The following ADAM12 variants were observed in gnomAD, a reference collection of about 807,000 sequenced individuals.
ADAM12 encodes the protein disintegrin and metalloproteinase domain-containing protein 12.
In ADAM12, 70 loss-of-function variants were observed where a neutral mutation model predicts 106.4. The observed-to-expected ratio is 0.66, with a 90% CI of 0.54 to 0.80. The LOEUF (loss-of-function observed/expected upper bound fraction) is 0.80. Among genes scored for constraint, ADAM12 ranks in the 30% least tolerant of loss-of-function variants. The probability of loss-of-function intolerance (pLI) is 0.00; values close to 1 mark genes in which losing one functional copy is unlikely to be tolerated. For synonymous variants in ADAM12, 420 were observed against 433.5 expected (o/e 0.97, Z 0.39); for missense variants, 1,010 against 1,171.9 (o/e 0.86, Z 2.02).
At chr10:126,113,731 T>TATATATATAA (rs1176475501) in intron 6 of ADAM12, among the ~76,000 whole-genome samples, 13 of 25,952 alleles carry the variant, frequency 5.0e-4, no homozygotes, top group African/African-American at 2.1e-3. Flanking sequence ...TATATATATA[T>TATATATATAA]AATATATTGC....
In ADAM12 at chr10:126,320,181, T is replaced by C. The variant is rs554346440; in HGVS notation, c.186+10231A>G. On this transcript the variant is annotated intron_variant, in intron 2 of 22. Coordinates refer to ENST00000448723, the MANE Select transcript of ADAM12 (RefSeq NM_001288973.2). ...AATTTAAATTCATTTAGTTTTTCTCTTTAGGCAGGCGGTAACAAAAAATGC... is the reference window on the plus strand; with the variant it reads ...AATTTAAATTCATTTAGTTTTTCTCCTTAGGCAGGCGGTAACAAAAAATGC... 9.4e-4 allele frequency among the ~76,000 whole-genome samples: 143 copies of C among 152,374 alleles called. 2 individuals carry two copies. The highest frequency in any genetic ancestry group is 8.3e-3 in the South Asian group (40 of 4,830).
At chr10:126,334,796 C>T (rs151099312) in intron 1 of ADAM12, among the ~76,000 whole-genome samples, 1 of 152,198 alleles carries the variant, frequency 6.6e-6, no homozygotes, top group Non-Finnish European at 1.5e-5. Context: ...TGCCTACATC[C>T]GCGCAAGCTC....
chr10:126,296,677 T>C (rs1331772554), intron 2 of ADAM12, among the ~76,000 whole-genome samples: 1 of 152,232 alleles, frequency 6.6e-6, no homozygotes, highest in Non-Finnish European at 1.5e-5. Flanking sequence ...TAGAGTTCAC[T>C]GAGACCCCAT....
chr10:126,012,747 C>T lies in ADAM12; in HGVS notation c.*4532G>A, dbSNP rs908296574. 1 of 152,222 alleles carries T rather than the reference C, an allele frequency of 6.6e-6. No individual in the cohort carries two copies. Among genetic ancestry groups the T allele is most frequent in the Non-Finnish European group, 1.5e-5 (1 of 68,042 alleles). 9.4% of individuals were successfully genotyped at this position (152,222 alleles called of 1,614,324 possible). ...GGGACAGGAGAATGAGTCACTCTGC[C>T]ACCACTTTTCCTGCCTTGGATTTGT... On this transcript the variant is annotated 3_prime_UTR_variant, in exon 23 of 23. Transcript: ENST00000448723.
At chr10:126,235,511 T>A (rs1416172447) in intron 3 of ADAM12, among the ~76,000 whole-genome samples, 1 of 152,154 alleles carries the variant, frequency 6.6e-6, no homozygotes, top group African/African-American at 2.4e-5. Flanking sequence ...CTTCTGGCCT[T>A]CCTCGAGGGA....
At chr10:126,342,264 G>A (rs1485415569) in intron 1 of ADAM12, among the ~76,000 whole-genome samples, 1 of 152,186 alleles carries the variant, frequency 6.6e-6, no homozygotes, top group Non-Finnish European at 1.5e-5. Flanking sequence ...CTAGAGGTAG[G>A]TGCTGACATG....
At chr10:126,244,709 G>A (rs1391315526) in intron 3 of ADAM12, among the ~76,000 whole-genome samples, 1 of 152,180 alleles carries the variant, frequency 6.6e-6, no homozygotes, top group Non-Finnish European at 1.5e-5. Flanking sequence ...ATTAGTATAA[G>A]CAGACCTATT....
At chr10:126,086,825 G>A (rs533820918) in intron 11 of ADAM12, among the ~76,000 whole-genome samples, 2 of 149,436 alleles carry the variant, frequency 1.3e-5, no homozygotes, top group Admixed American at 1.3e-4. Context: ...CTTGAGGTCA[G>A]GAGTTCCAGA....
Position 126,066,840 on chromosome 10 carries a change from C to A in ADAM12, c.1324-34G>T. ...GGGAATGGCATTTGTTTGACAGGGT[C>A]TTATGGAGTATGCACTCACTGAATG... On this transcript the variant is annotated intron_variant, in intron 12 of 22. Transcript: ENST00000448723. This position sits in a 1 kb window ranked among gnomAD's most constrained non-coding sequence, Gnocchi z 5.1. The A allele has an allele frequency of 6.3e-7, 1 of 1,589,626 alleles. No homozygotes were observed. The highest frequency in any genetic ancestry group is 8.6e-7 in the Non-Finnish European group (1 of 1,158,294).
intron 3 of ADAM12, among the ~76,000 whole-genome samples, chr10:126,229,035 GAACAA>G (rs1409049096): frequency 6.6e-6 from 1 of 152,148 alleles, no homozygotes; most frequent in Admixed American, 6.6e-5. Context: ...ACCAGGAAAA[GAACAA>G]AACAAAAGAG....
At chr10:126,039,505 A>T in intron 18 of ADAM12, 76 bp from the exon 19 acceptor site, 1 of 1,574,458 alleles carries the variant, frequency 6.4e-7, no homozygotes, top group Non-Finnish European at 8.7e-7. Context: ...TGTGACGTTT[A>T]TGGCAAAGTG....
chr10:126,071,748 T>G, intron 11 of ADAM12, 94 bp from the exon 12 acceptor site: 1 of 1,374,394 alleles, frequency 7.3e-7, no homozygotes, highest in African/African-American at 1.4e-5. Context: ...ACTGGCCACA[T>G]CTGCCCAGGT....
chr10:126,316,544 A>C (rs776075683), intron 2 of ADAM12, among the ~76,000 whole-genome samples: 76 of 152,168 alleles, frequency 5.0e-4, no homozygotes, highest in African/African-American at 1.6e-3. Context: ...ACACCTGATG[A>C]GGTGTTCAAG....
chr10:126,109,460 T>C (rs979745742), intron 7 of ADAM12, among the ~76,000 whole-genome samples: 1 of 152,202 alleles, frequency 6.6e-6, no homozygotes, highest in Non-Finnish European at 1.5e-5. Context: ...GACTAAACTT[T>C]TCCCCAAAAT....
At chr10:126,126,358 T>C (rs1289277178) in intron 5 of ADAM12, among the ~76,000 whole-genome samples, 1 of 152,192 alleles carries the variant, frequency 6.6e-6, no homozygotes, top group East Asian at 1.9e-4. Flanking sequence ...CGTGTGGTTT[T>C]GTGCAACCTG....
intron 20 of ADAM12, among the ~76,000 whole-genome samples, chr10:126,037,285 CTTTT>C (rs34515487): frequency 7.3e-6 from 1 of 136,298 alleles, no homozygotes; most frequent in African/African-American, 2.8e-5. Flanking sequence ...TAAGGCTGTG[CTTTT>C]TTTTTTTTTT....
At chr10:126,270,757 T>G (rs576947372) in intron 3 of ADAM12, among the ~76,000 whole-genome samples, 62 of 152,246 alleles carry the variant, frequency 4.1e-4, no homozygotes, top group Non-Finnish European at 7.1e-4. Context: ...CAGGAGTCCA[T>G]GTGTGAGCTC....
chr10:126,115,990 C>G (rs1255627980), intron 6 of ADAM12, among the ~76,000 whole-genome samples: 1 of 152,200 alleles, frequency 6.6e-6, no homozygotes, highest in African/African-American at 2.4e-5. Context: ...ATATTGAGAA[C>G]TGAGTTGACC....
chr10:126,367,660 T>A (rs1855958935), intron 1 of ADAM12, among the ~76,000 whole-genome samples: 2 of 151,592 alleles, frequency 1.3e-5, no homozygotes, highest in Non-Finnish European at 3.0e-5. Context: ...ATGAAAAAAA[T>A]GAGAAAAAAA....
Sources: allele counts gnomAD v4.1 joint callset (sites outside exome capture counted in the v4.1 genomes callset), GRCh38; gene constraint gnomAD v4.1.1; non-coding constraint Gnocchi (gnomAD v3.1); transcripts MANE v1.5; gene names NCBI Gene and HGNC (gene_info 2026-07-23, HGNC 2026-07-21).